The following PARD3B variants were observed in gnomAD, a reference collection of about 807,000 sequenced individuals.
PARD3B encodes par-3 family cell polarity regulator beta, also known as partitioning defective 3 homolog B.
A neutral mutation model predicts 130.2 loss-of-function variants in PARD3B; 103 were observed. The ratio of observed to expected loss-of-function variants is 0.79; its 90% confidence interval spans 0.67 to 0.93. The LOEUF (loss-of-function observed/expected upper bound fraction) is 0.93. Ranked by LOEUF, PARD3B falls within the 40% of genes least tolerant of loss-of-function variation. The pLI is 0.00. For synonymous variants in PARD3B, 583 were observed against 553.2 expected (o/e 1.05, Z -0.76); for missense variants, 1,609 against 1,499.2 (o/e 1.07, Z -1.21).
At chr2:204,633,840 T>G (rs2034777297) in intron 1 of PARD3B, among the ~76,000 whole-genome samples, 1 of 152,098 alleles carries the variant, frequency 6.6e-6, no homozygotes, top group Non-Finnish European at 1.5e-5. Context: ...AAACTTAATT[T>G]TTAAAAGGTT....
intron 2 of PARD3B, among the ~76,000 whole-genome samples, chr2:204,733,696 A>G (rs1314909110): frequency 6.6e-6 from 1 of 152,178 alleles, no homozygotes; most frequent in East Asian, 1.9e-4. Flanking sequence ...GTTAGAAGAT[A>G]GATCAATAAC....
At chr2:205,207,495 A>G (rs889751146) in intron 15 of PARD3B, among the ~76,000 whole-genome samples, 1 of 145,316 alleles carries the variant, frequency 6.9e-6, no homozygotes, top group Non-Finnish European at 1.5e-5. Context: ...AAAAAAAGAG[A>G]GATGAATCAA....
At position 205,585,784 on chromosome 2, in the gene PARD3B, G is replaced by C. The variant is rs1265132437; in HGVS notation, c.3261-29672G>C. Among the ~76,000 whole-genome samples, 2 of 152,184 alleles carry C rather than the reference G, an allele frequency of 1.3e-5. No individual in the cohort carries two copies. The highest frequency in any genetic ancestry group is 2.4e-5 in the African/African-American group (1 of 41,448). On this transcript the variant is annotated intron_variant, in intron 22 of 22. Coordinates refer to ENST00000406610, the MANE Select transcript of PARD3B (RefSeq NM_001302769.2). The surrounding 1 kb of genome is among the most constrained non-coding windows in gnomAD (Gnocchi z 5.4). ...CCCACCACATTTCAGGAAGGGCTTT[G>C]AACTGGATTTCGGTAGCTTTGTGGG...
At chr2:205,144,943 A>T (rs1002757892) in intron 10 of PARD3B, among the ~76,000 whole-genome samples, 2 of 152,182 alleles carry the variant, frequency 1.3e-5, no homozygotes, top group Admixed American at 1.3e-4. Context: ...CCCTACAAAA[A>T]TACTGCCTCT....
intron 4 of PARD3B, among the ~76,000 whole-genome samples, chr2:205,060,522 C>T (rs1700006442): frequency 1.3e-5 from 2 of 152,086 alleles, no homozygotes; most frequent in African/African-American, 4.8e-5. Flanking sequence ...TCCATTGACT[C>T]TTTGTCAGGT....
At chr2:204,984,638 G>C (rs539201454) in intron 3 of PARD3B, among the ~76,000 whole-genome samples, 94 of 152,230 alleles carry the variant, frequency 6.2e-4, no homozygotes, top group African/African-American at 2.2e-3. Context: ...GCAGGAAATG[G>C]AGCGGCCCTG....
chr2:204,553,693 TATACAC>T (rs1421002844), intron 1 of PARD3B, among the ~76,000 whole-genome samples: 5 of 100,352 alleles, frequency 5.0e-5, no homozygotes, highest in African/African-American at 2.7e-4. Context: ...TATATATATA[TATACAC>T]ACATATATAT....
At chr2:204,700,905 C>T (rs2037860400) in intron 2 of PARD3B, among the ~76,000 whole-genome samples, 1 of 151,830 alleles carries the variant, frequency 6.6e-6, no homozygotes, top group South Asian at 2.1e-4. Context: ...AAAGTTAGTA[C>T]TTGTTAAATG....
chr2:205,183,308 G>A lies in PARD3B; in HGVS notation c.1925-2456G>A, dbSNP rs553941869. Among the ~76,000 whole-genome samples, 2 of 152,298 alleles carry A rather than the reference G, an allele frequency of 1.3e-5. No homozygotes were observed. Among genetic ancestry groups the A allele is most frequent in the Admixed American group, 6.5e-5 (1 of 15,300 alleles). Reference sequence around the variant, plus strand: ...ATGTGTGCAGCTGAAGTGATTTTGAGCAACAAGTTACATGATCACAAATAC... The same window carrying A: ...ATGTGTGCAGCTGAAGTGATTTTGAACAACAAGTTACATGATCACAAATAC... On this transcript the variant is annotated intron_variant, in intron 13 of 22. Transcript: ENST00000406610. This position sits in a 1 kb window ranked among gnomAD's most constrained non-coding sequence, Gnocchi z 5.2.
chr2:205,100,191 T>C (rs889433531), intron 4 of PARD3B, among the ~76,000 whole-genome samples: 13 of 152,282 alleles, frequency 8.5e-5, no homozygotes, highest in South Asian at 8.3e-4. Flanking sequence ...TTTTCTACCT[T>C]GTTAGGGATC....
At chr2:205,068,529 A>G (rs1000187027) in intron 4 of PARD3B, among the ~76,000 whole-genome samples, 4 of 151,658 alleles carry the variant, frequency 2.6e-5, no homozygotes, top group African/African-American at 9.7e-5. Flanking sequence ...TTTTGCTTTT[A>G]TTTCCTTTAT....
chr2:205,452,861 C>T (rs903208579), intron 20 of PARD3B, among the ~76,000 whole-genome samples: 1 of 152,182 alleles, frequency 6.6e-6, no homozygotes, highest in Non-Finnish European at 1.5e-5. Context: ...CCCTTCCCCC[C>T]ATCCTCAACC....
chr2:205,056,543 G>A (rs1029456800), intron 4 of PARD3B, among the ~76,000 whole-genome samples: 1 of 151,642 alleles, frequency 6.6e-6, no homozygotes, highest in Non-Finnish European at 1.5e-5. Flanking sequence ...AGTAACTGGT[G>A]TGAAGCACTG....
intron 16 of PARD3B, among the ~76,000 whole-genome samples, chr2:205,256,936 G>C (rs2040112185): frequency 6.6e-6 from 1 of 152,032 alleles, no homozygotes. Context: ...AAAGCCATAA[G>C]GAAAATCATA....
intron 2 of PARD3B, among the ~76,000 whole-genome samples, chr2:204,912,925 C>G (rs1194421997): frequency 6.6e-6 from 1 of 152,110 alleles, no homozygotes; most frequent in Non-Finnish European, 1.5e-5. Flanking sequence ...TGTTTGGAAG[C>G]ATTAAAGTGA....
chr2:204,595,015 T>G (rs958012475), intron 1 of PARD3B, among the ~76,000 whole-genome samples: 1 of 152,178 alleles, frequency 6.6e-6, no homozygotes, highest in Non-Finnish European at 1.5e-5. Flanking sequence ...ATGGGTCTAC[T>G]TTATAAAGTA....
intron 11 of PARD3B, among the ~76,000 whole-genome samples, chr2:205,168,318 AGAGT>A (rs1392131264): frequency 1.6e-5 from 2 of 122,368 alleles, no homozygotes; most frequent in South Asian, 2.5e-4. Context: ...AGAGAGAGAG[AGAGT>A]GTGTGTGTGT....
intron 22 of PARD3B, among the ~76,000 whole-genome samples, chr2:205,578,422 A>C (rs950136281): frequency 1.3e-5 from 2 of 152,202 alleles, no homozygotes; most frequent in African/African-American, 4.8e-5. Context: ...GTGACATTTA[A>C]GAAGTTACGA....
intron 19 of PARD3B, among the ~76,000 whole-genome samples, chr2:205,434,416 G>C (rs2106139296): frequency 6.6e-6 from 1 of 152,260 alleles, no homozygotes; most frequent in Non-Finnish European, 1.5e-5. Context: ...TTAGCAGGAA[G>C]AACACTCGTG....
Sources: gnomAD v4.1 joint callset for allele counts (sites outside exome capture counted in the v4.1 genomes callset) on GRCh38, gnomAD v4.1.1 for gene constraint, Gnocchi (gnomAD v3.1) non-coding constraint, MANE v1.5 for transcripts, NCBI Gene and HGNC (gene_info 2026-07-23, HGNC 2026-07-21) for gene names.